The following FOXN3 variants were observed in gnomAD, a reference collection of about 807,000 sequenced individuals.
FOXN3 encodes the protein forkhead box N3, also known as forkhead box protein N3.
Under a neutral mutation model 38.4 loss-of-function variants are expected in FOXN3, and 7 were observed. That is an observed-to-expected ratio of 0.18 (90% CI 0.10 to 0.34). FOXN3 has a LOEUF of 0.34. FOXN3 is among the 10% of genes least tolerant of loss of function. The pLI, the probability that FOXN3 is intolerant of heterozygous loss-of-function variation, is 1.00. For missense variants in FOXN3, 456 were observed against 613.4 expected, an observed-to-expected ratio of 0.74 and a Z score of 2.71; for synonymous variants, 230 against 242.2, an observed-to-expected ratio of 0.95 and a Z score of 0.47.
At chr14:89,351,721 T>G (rs1449549940) in intron 2 of FOXN3, among the ~76,000 whole-genome samples, 1 of 152,234 alleles carries the variant, frequency 6.6e-6, no homozygotes, top group African/African-American at 2.4e-5. Flanking sequence ...AAATATTTAC[T>G]GATTTGCAGA....
chr14:89,168,944 AG>A (rs1481611288), intron 5 of FOXN3, among the ~76,000 whole-genome samples: 1 of 152,256 alleles, frequency 6.6e-6, no homozygotes, highest in Non-Finnish European at 1.5e-5. Flanking sequence ...TATTCTCAAG[AG>A]AGAAAATAAC....
chr14:89,323,051 G>GA (rs1887938262), intron 3 of FOXN3, among the ~76,000 whole-genome samples: 1 of 152,088 alleles, frequency 6.6e-6, no homozygotes, highest in Non-Finnish European at 1.5e-5. Context: ...CACTTTGGGA[G>GA]GCCAAGTTGG....
At chr14:89,594,459 A>G (rs1406384054) in intron 1 of FOXN3, among the ~76,000 whole-genome samples, 11 of 152,172 alleles carry the variant, frequency 7.2e-5, no homozygotes, top group Admixed American at 7.2e-4. Context: ...TTCCCTGAAG[A>G]CTTATGAAGT....
chr14:89,494,481 C>T (rs1893640250), intron 1 of FOXN3, among the ~76,000 whole-genome samples: 1 of 152,242 alleles, frequency 6.6e-6, no homozygotes, highest in Non-Finnish European at 1.5e-5. Flanking sequence ...GGTGGTGCAG[C>T]TCTGCAATGG....
intron 1 of FOXN3, among the ~76,000 whole-genome samples, chr14:89,478,624 T>G (rs911020962): frequency 1.3e-5 from 2 of 152,094 alleles, no homozygotes; most frequent in Non-Finnish European, 2.9e-5. Context: ...TTTAAGAGAA[T>G]GATTTTATTT....
intron 1 of FOXN3, among the ~76,000 whole-genome samples, chr14:89,487,652 G>A (rs1893476450): frequency 6.6e-6 from 1 of 152,150 alleles, no homozygotes; most frequent in Non-Finnish European, 1.5e-5. Flanking sequence ...ACAAAGCATA[G>A]AGTTAGGGAT....
chr14:89,533,229 C>T (rs963007132), intron 1 of FOXN3, among the ~76,000 whole-genome samples: 5 of 152,158 alleles, frequency 3.3e-5, no homozygotes, highest in Admixed American at 1.3e-4. Flanking sequence ...CCCCTTGTTC[C>T]ATCCCGTCTT....
intron 1 of FOXN3, among the ~76,000 whole-genome samples, chr14:89,458,158 G>A (rs1892766200): frequency 6.6e-6 from 1 of 151,896 alleles, no homozygotes; most frequent in Admixed American, 6.6e-5. Flanking sequence ...TCAAACATCA[G>A]ATAAGAGGGA....
At chr14:89,236,190 A>G (rs1884975311) in intron 4 of FOXN3, among the ~76,000 whole-genome samples, 1 of 152,210 alleles carries the variant, frequency 6.6e-6, no homozygotes, top group Non-Finnish European at 1.5e-5. Flanking sequence ...TCAGGGTCAC[A>G]AGAGCGACTG....
At chr14:89,435,426 T>C (rs1892256281) in intron 1 of FOXN3, among the ~76,000 whole-genome samples, 1 of 149,784 alleles carries the variant, frequency 6.7e-6, no homozygotes, top group Non-Finnish European at 1.5e-5. Flanking sequence ...CCTCAGAGCC[T>C]TCACCCAAGC....
intron 4 of FOXN3, among the ~76,000 whole-genome samples, chr14:89,257,916 T>C (rs1408120612): frequency 6.6e-6 from 1 of 152,144 alleles, no homozygotes; most frequent in Non-Finnish European, 1.5e-5. Flanking sequence ...GGGGTGACAT[T>C]TCCTCAGAAG....
chr14:89,400,244 G>A (rs1891210747), intron 2 of FOXN3: 1 of 152,106 alleles, frequency 6.6e-6, no homozygotes, highest in African/African-American at 2.4e-5. Context: ...GAATTTCCTA[G>A]TCAAACACTA....
intron 1 of FOXN3, among the ~76,000 whole-genome samples, chr14:89,460,502 T>G (rs1348695538): frequency 1.3e-5 from 2 of 152,200 alleles, no homozygotes; most frequent in African/African-American, 2.4e-5. Context: ...TTTGTCCCGC[T>G]TCTTGTTCCT....
intron 4 of FOXN3, among the ~76,000 whole-genome samples, chr14:89,280,695 C>G (rs1413411545): frequency 1.3e-5 from 2 of 152,084 alleles, no homozygotes; most frequent in African/African-American, 4.8e-5. Context: ...AGAATATGAA[C>G]AGTGACGGCG....
At chr14:89,247,489 T>C (rs957316778) in intron 4 of FOXN3, among the ~76,000 whole-genome samples, 1 of 152,168 alleles carries the variant, frequency 6.6e-6, no homozygotes, top group African/African-American at 2.4e-5. Context: ...GCTTCTACTA[T>C]AGGCCAGAAT....
At chr14:89,451,981 C>T (rs1049385964) in intron 1 of FOXN3, among the ~76,000 whole-genome samples, 1 of 152,074 alleles carries the variant, frequency 6.6e-6, no homozygotes, top group Non-Finnish European at 1.5e-5. Flanking sequence ...GGACCACATC[C>T]CTTGAGTGAG....
At chr14:89,524,797 C>G (rs1395861959) in intron 1 of FOXN3, among the ~76,000 whole-genome samples, 1 of 152,006 alleles carries the variant, frequency 6.6e-6, no homozygotes, top group Non-Finnish European at 1.5e-5. Flanking sequence ...AGATTAAAAT[C>G]CTTCACATAA....
intron 1 of FOXN3, among the ~76,000 whole-genome samples, chr14:89,473,523 A>T (rs1566668412): frequency 6.6e-6 from 1 of 152,016 alleles, no homozygotes; most frequent in Non-Finnish European, 1.5e-5. Flanking sequence ...CCACAGGCGC[A>T]CACCATCATA....
chr14:89,201,241 C>G (rs1157539537), intron 4 of FOXN3, among the ~76,000 whole-genome samples: 1 of 152,164 alleles, frequency 6.6e-6, no homozygotes, highest in Non-Finnish European at 1.5e-5. Flanking sequence ...CCTGGGTCAC[C>G]CCTCTCTGGG....
Sources: gnomAD v4.1 joint callset for allele counts (sites outside exome capture counted in the v4.1 genomes callset) on GRCh38, gnomAD v4.1.1 for gene constraint, MANE v1.5 for transcripts, NCBI Gene and HGNC (gene_info 2026-07-23, HGNC 2026-07-21) for gene names.